CHRM3: variants seen among roughly 807,000 people sequenced by gnomAD.
CHRM3 encodes the protein muscarinic acetylcholine receptor M3.
CHRM3 carries 11 observed loss-of-function variants against 41.8 expected under a neutral mutation model. The ratio of observed to expected loss-of-function variants is 0.26; its 90% CI spans 0.17 to 0.44. The LOEUF (loss-of-function observed/expected upper bound fraction) is 0.44. Ranked by LOEUF, CHRM3 falls within the 20% of genes least tolerant of loss-of-function variation. The probability of loss-of-function intolerance (pLI) is 1.00; values close to 1 mark genes in which losing one functional copy is unlikely to be tolerated. For missense variants in CHRM3, 571 were observed against 745.4 expected (o/e 0.77, Z 2.72); for synonymous variants, 297 against 301.4 (o/e 0.99, Z 0.15).
intron 1 of CHRM3, among the ~76,000 whole-genome samples, chr1:239,447,427 A>C (rs981958980): frequency 6.6e-6 from 1 of 152,162 alleles, no homozygotes; most frequent in African/African-American, 2.4e-5. Context: ...CAGGAGGGAA[A>C]GTTCTGGAAG....
chr1:239,596,083 C>T (rs1056842578), intron 3 of CHRM3, among the ~76,000 whole-genome samples: 1 of 152,168 alleles, frequency 6.6e-6, no homozygotes, highest in Non-Finnish European at 1.5e-5. Context: ...TTATACCTAA[C>T]ATTTGTTCCA....
intron 6 of CHRM3, among the ~76,000 whole-genome samples, chr1:239,885,298 CAT>C (rs1278464192): frequency 3.9e-5 from 6 of 152,218 alleles, no homozygotes; most frequent in East Asian, 1.9e-4. Flanking sequence ...CCTGTTAAAA[CAT>C]AGATTTCTGG....
At chr1:239,456,834 G>A (rs184773693) in intron 1 of CHRM3, among the ~76,000 whole-genome samples, 3 of 152,334 alleles carry the variant, frequency 2.0e-5, no homozygotes, top group Non-Finnish European at 2.9e-5. Context: ...GCATGTTCTA[G>A]TGAAGAGAGC....
intron 2 of CHRM3, among the ~76,000 whole-genome samples, chr1:239,528,295 A>T (rs1404905000): frequency 6.6e-6 from 1 of 152,178 alleles, no homozygotes; most frequent in African/African-American, 2.4e-5. Context: ...TTGTGCAAGG[A>T]GTACCTGAAG....
intron 5 of CHRM3, among the ~76,000 whole-genome samples, chr1:239,754,366 G>T (rs1373555081): frequency 6.6e-6 from 1 of 152,180 alleles, no homozygotes; most frequent in Non-Finnish European, 1.5e-5. Flanking sequence ...TTTGTTGGGT[G>T]GTGGTGGTGG....
intron 1 of CHRM3, among the ~76,000 whole-genome samples, chr1:239,473,077 A>G (rs1666235641): frequency 6.6e-6 from 1 of 152,068 alleles, no homozygotes; most frequent in Non-Finnish European, 1.5e-5. Context: ...CTATGTATAA[A>G]CACAATGAAT....
chr1:239,488,511 C>T (rs897043491), intron 1 of CHRM3, among the ~76,000 whole-genome samples: 3 of 151,596 alleles, frequency 2.0e-5, no homozygotes, highest in Non-Finnish European at 4.4e-5. Context: ...GTCAGGAAAT[C>T]GAGACCATCC....
chr1:239,438,829 T>G (rs1411585001), intron 1 of CHRM3, among the ~76,000 whole-genome samples: 2 of 152,230 alleles, frequency 1.3e-5, no homozygotes, highest in Non-Finnish European at 2.9e-5. Context: ...TGCTGAAACC[T>G]ATTTTGTAAT....
At chr1:239,566,492 C>A (rs1286907861) in intron 3 of CHRM3, among the ~76,000 whole-genome samples, 1 of 152,144 alleles carries the variant, frequency 6.6e-6, no homozygotes, top group Non-Finnish European at 1.5e-5. Flanking sequence ...CACATTATAT[C>A]TTTTGTATCA....
intron 6 of CHRM3, among the ~76,000 whole-genome samples, chr1:239,901,025 T>C (rs541920089): frequency 1.2e-4 from 19 of 152,154 alleles, no homozygotes; most frequent in Non-Finnish European, 2.1e-4. Context: ...AGTTTACGTC[T>C]TAGGCAAGAC....
At chr1:239,790,189 T>C (rs1316009500) in intron 5 of CHRM3, among the ~76,000 whole-genome samples, 1 of 152,174 alleles carries the variant, frequency 6.6e-6, no homozygotes, top group Non-Finnish European at 1.5e-5. Context: ...GACTGTGGAC[T>C]TTCGGGTTAA....
At chr1:239,848,897 C>A (rs1167042508) in intron 6 of CHRM3, among the ~76,000 whole-genome samples, 1 of 152,088 alleles carries the variant, frequency 6.6e-6, no homozygotes, top group Non-Finnish European at 1.5e-5. Flanking sequence ...CAGTTTTGAA[C>A]ATTCTTGGTC....
At chr1:239,448,316 C>T (rs1355392256) in intron 1 of CHRM3, among the ~76,000 whole-genome samples, 1 of 151,976 alleles carries the variant, frequency 6.6e-6, no homozygotes, top group Admixed American at 6.5e-5. Context: ...ATATAAAATT[C>T]ACTTTCTAGA....
intron 2 of CHRM3, among the ~76,000 whole-genome samples, chr1:239,510,217 AT>A (rs1202227479): frequency 6.6e-6 from 1 of 152,208 alleles, no homozygotes; most frequent in Non-Finnish European, 1.5e-5. Flanking sequence ...CTACTTCCAA[AT>A]TGTTAGTTTA....
intron 1 of CHRM3, among the ~76,000 whole-genome samples, chr1:239,391,824 A>G (rs1659060375): frequency 1.3e-5 from 2 of 152,210 alleles, no homozygotes; most frequent in Non-Finnish European, 2.9e-5. Context: ...TTTGATAAAC[A>G]GTAGCTGGCA....
rs1229135410 is a variant in CHRM3 at position 239,598,522 on chromosome 1, C to T, written c.-312-33702C>T. 2.0e-5 allele frequency among the ~76,000 whole-genome samples: 3 copies of T among 152,022 alleles called. No homozygotes were observed. In the South Asian group the frequency reaches 6.2e-4, roughly 32 times the overall value. On this transcript the variant is annotated intron_variant, in intron 3 of 6. Coordinates refer to ENST00000676153, the MANE Select transcript of CHRM3 (RefSeq NM_001375978.1). ...TCATGTTAAACTGAACTTGCTTTAT[C>T]CAAGCCTGAAACTTTAGAGGTTGCT... is the stretch of plus-strand genomic sequence containing the variant.
chr1:239,720,417 C>A (rs749422723), intron 5 of CHRM3, among the ~76,000 whole-genome samples: 27 of 151,802 alleles, frequency 1.8e-4, no homozygotes, highest in Middle Eastern at 3.2e-3. Context: ...CCCAAAAAAA[C>A]CTAAATTAAA....
intron 2 of CHRM3, among the ~76,000 whole-genome samples, chr1:239,530,374 A>G (rs187393375): frequency 7.2e-4 from 110 of 152,328 alleles, no homozygotes; most frequent in Middle Eastern, 3.4e-3. Flanking sequence ...TGCTCGATCC[A>G]TTAAAATTTA....
At chr1:239,660,585 A>C (rs1233676896) in intron 4 of CHRM3, among the ~76,000 whole-genome samples, 1 of 152,148 alleles carries the variant, frequency 6.6e-6, no homozygotes. Flanking sequence ...TAGTAATGAT[A>C]ATAATAGATT....
Sources: gnomAD v4.1 joint callset for allele counts (sites outside exome capture counted in the v4.1 genomes callset) on GRCh38, gnomAD v4.1.1 for gene constraint, MANE v1.5 for transcripts, NCBI Gene and HGNC (gene_info 2026-07-23, HGNC 2026-07-21) for gene names.